The following WWOX variants were observed in gnomAD, a reference collection of about 807,000 sequenced individuals.
The protein encoded by WWOX is WW domain containing oxidoreductase, also known as WW domain-containing oxidoreductase.
Under a neutral mutation model 46.2 loss-of-function variants are expected in WWOX, and 69 were observed. The ratio of observed to expected loss-of-function variants is 1.49; its 90% confidence interval spans 1.23 to 1.82. The LOEUF is 1.82. Ranked by LOEUF, WWOX falls within the 40% of genes most tolerant of loss-of-function variation. The pLI, the probability that WWOX is intolerant of heterozygous loss-of-function variation, is 0.00. For synonymous variants in WWOX, 359 were observed against 202.6 expected (o/e 1.77, Z -6.56); for missense variants, 919 against 542.6 (o/e 1.69, Z -6.89).
At chr16:78,974,475 C>G (rs761538241) in intron 8 of WWOX, among the ~76,000 whole-genome samples, 3 of 152,170 alleles carry the variant, frequency 2.0e-5, no homozygotes, top group Non-Finnish European at 2.9e-5. Flanking sequence ...ATTCTGTTTT[C>G]TAGAACCTGG....
chr16:78,867,451 G>T (rs1411933086), intron 8 of WWOX, among the ~76,000 whole-genome samples: 2 of 151,824 alleles, frequency 1.3e-5, no homozygotes, highest in East Asian at 1.9e-4. Flanking sequence ...ATTGACAGAT[G>T]GGGAATCTGA....
intron 8 of WWOX, among the ~76,000 whole-genome samples, chr16:78,946,188 G>T (rs2045944985): frequency 6.6e-6 from 1 of 151,958 alleles, no homozygotes; most frequent in Non-Finnish European, 1.5e-5. Context: ...TGTGTTTGTT[G>T]TTTCTTTTGT....
At chr16:79,095,406 G>C (rs2049047903) in intron 8 of WWOX, among the ~76,000 whole-genome samples, 1 of 152,098 alleles carries the variant, frequency 6.6e-6, no homozygotes, top group Non-Finnish European at 1.5e-5. Flanking sequence ...AGAAATTGAG[G>C]CACGGACAAA....
rs190974995 is a variant in WWOX, at chr16:78,368,830, G to T, written c.517-18030G>T. On this transcript the variant is annotated intron_variant, in intron 5 of 8. Coordinates refer to ENST00000566780, the MANE Select transcript of WWOX (RefSeq NM_016373.4). The stretch of plus-strand genomic sequence containing the variant: ...GATAGGTGACTACAGAGCCAGATTC[G>T]AATGTGGCCCTGTGCCGGTGCCCAA... 2.6e-5 allele frequency among the ~76,000 whole-genome samples: 4 copies of T among 152,268 alleles called. No homozygotes were observed. The South Asian group carries it at 6.2e-4, about 24-fold the overall frequency.
At position 78,533,793 on chromosome 16, in the gene WWOX, C is replaced by T. The variant is rs534113544; in HGVS notation, c.1056+101041C>T. ...TGAAGTTGTAGGCCCCTCCCGAATG[C>T]GTCCTCAGAACTCGCTGGTTCTCGT... On this transcript the variant is annotated intron_variant, in intron 8 of 8. Coordinates refer to ENST00000566780, the MANE Select transcript of WWOX (RefSeq NM_016373.4). Among the ~76,000 whole-genome samples, 29 of 152,220 alleles carry T rather than the reference C, an allele frequency of 1.9e-4. 1 individual carries two copies. Among genetic ancestry groups the T allele is most frequent in the South Asian group, 1.0e-3 (5 of 4,820 alleles).
At chr16:78,799,244 G>A (rs891038233) in intron 8 of WWOX, among the ~76,000 whole-genome samples, 1 of 152,176 alleles carries the variant, frequency 6.6e-6, no homozygotes, top group East Asian at 1.9e-4. Flanking sequence ...TTAGGCTTGT[G>A]TCTTGCCGTC....
chr16:78,979,193 C>T (rs116850749), intron 8 of WWOX, among the ~76,000 whole-genome samples: 1 of 151,464 alleles, frequency 6.6e-6, no homozygotes, highest in African/African-American at 2.4e-5. Context: ...TCCCCCGTTA[C>T]AAAAAGAATT....
At chr16:78,613,350 C>T (rs1278298372) in intron 8 of WWOX, among the ~76,000 whole-genome samples, 1 of 152,158 alleles carries the variant, frequency 6.6e-6, no homozygotes, top group African/African-American at 2.4e-5. Flanking sequence ...TGTCCCCATG[C>T]TGTGTCGCAC....
intron 5 of WWOX, among the ~76,000 whole-genome samples, chr16:78,188,470 A>T (rs572903849): frequency 6.8e-6 from 1 of 147,298 alleles, no homozygotes; most frequent in African/African-American, 2.6e-5. Context: ...CCTGGGTGAC[A>T]GAGCGAGACT....
chr16:78,810,746 G>A (rs774961708), intron 8 of WWOX, among the ~76,000 whole-genome samples: 1 of 152,196 alleles, frequency 6.6e-6, no homozygotes, highest in Non-Finnish European at 1.5e-5. Flanking sequence ...GCTCCCTTCT[G>A]TAGGAATAAC....
At chr16:78,543,019 A>G (rs1489940740) in intron 8 of WWOX, among the ~76,000 whole-genome samples, 1 of 152,234 alleles carries the variant, frequency 6.6e-6, no homozygotes, top group Non-Finnish European at 1.5e-5. Flanking sequence ...GTATATGTCC[A>G]GAAGGGGATG....
At chr16:78,569,362 G>C (rs999165941) in intron 8 of WWOX, among the ~76,000 whole-genome samples, 1 of 152,104 alleles carries the variant, frequency 6.6e-6, no homozygotes. Context: ...ATTTGAGTTG[G>C]TTTAAAATAT....
rs756352811 is a variant in WWOX at position 78,190,047 on chromosome 16, C to G, written c.516+25758C>G. 3.3e-5 allele frequency among the ~76,000 whole-genome samples: 5 copies of G among 152,272 alleles called. No homozygotes were observed. The East Asian group carries it at 7.7e-4, about 23-fold the overall frequency. ...ATCTTGTCCAGCACATGTGTCCACA[C>G]TTGGTATTAATAGCTCCATCTTAGG... On this transcript the variant is annotated intron_variant, in intron 5 of 8. Coordinates refer to ENST00000566780, the MANE Select transcript of WWOX (RefSeq NM_016373.4).
intron 8 of WWOX, among the ~76,000 whole-genome samples, chr16:78,964,998 T>A (rs1041867761): frequency 6.6e-6 from 1 of 152,178 alleles, no homozygotes; most frequent in African/African-American, 2.4e-5. Flanking sequence ...CTCTGCCTAG[T>A]TTTCAGAAAA....
chr16:79,039,524 C>T (rs17713676), intron 8 of WWOX, among the ~76,000 whole-genome samples: 5,530 of 152,270 alleles, frequency 0.036, 134 homozygotes, highest in South Asian at 0.059. Flanking sequence ...GGGTCCCAAG[C>T]AGAATCCTTT....
chr16:79,140,381 C>T (rs192035589), intron 8 of WWOX, among the ~76,000 whole-genome samples: 40 of 152,310 alleles, frequency 2.6e-4, no homozygotes, highest in African/African-American at 9.1e-4. Context: ...TCCACCGCAG[C>T]ATCCGCCAGC....
chr16:78,656,841 T>G (rs1183279020), intron 8 of WWOX, among the ~76,000 whole-genome samples: 4 of 152,130 alleles, frequency 2.6e-5, no homozygotes, highest in African/African-American at 9.7e-5. Context: ...CTAGACTTGA[T>G]GTGTTTCATG....
intron 8 of WWOX, among the ~76,000 whole-genome samples, chr16:78,531,306 A>G (rs2043615495): frequency 3.3e-5 from 5 of 152,020 alleles, no homozygotes. Context: ...ATTAGTATTT[A>G]TTTCCTTTTT....
chr16:78,697,202 A>G (rs1281406510), intron 8 of WWOX, among the ~76,000 whole-genome samples: 1 of 152,202 alleles, frequency 6.6e-6, no homozygotes, highest in Non-Finnish European at 1.5e-5. Flanking sequence ...GCTGGATCAA[A>G]TGGTAGTTCT....
Sources: allele counts gnomAD v4.1 joint callset (sites outside exome capture counted in the v4.1 genomes callset), GRCh38; gene constraint gnomAD v4.1.1; transcripts MANE v1.5; gene names NCBI Gene and HGNC (gene_info 2026-07-23, HGNC 2026-07-21).